Variants in EXOC4 observed in about 807,000 individuals in gnomAD.
The protein encoded by EXOC4 is exocyst complex component 4.
A neutral mutation model predicts 107.2 loss-of-function variants in EXOC4; 71 were observed. The ratio of observed to expected loss-of-function variants is 0.66; its 90% CI spans 0.55 to 0.81. The LOEUF (loss-of-function observed/expected upper bound fraction) is 0.81. EXOC4 is among the 30% of genes least tolerant of loss of function. EXOC4 has a pLI of 0.00. For synonymous variants in EXOC4, 456 were observed against 441.2 expected (o/e 1.03, Z -0.42); for missense variants, 1,108 against 1,189.6 (o/e 0.93, Z 1.01).
At chr7:133,305,299 CT>C (rs1413419996) in intron 3 of EXOC4, among the ~76,000 whole-genome samples, 1 of 152,096 alleles carries the variant, frequency 6.6e-6, no homozygotes, top group Non-Finnish European at 1.5e-5. Flanking sequence ...TTCTATCAAA[CT>C]GAATCAGGAC....
At chr7:133,825,615 C>T (rs573986343) in intron 11 of EXOC4, among the ~76,000 whole-genome samples, 10 of 152,130 alleles carry the variant, frequency 6.6e-5, no homozygotes, top group African/African-American at 1.9e-4. Flanking sequence ...TCTGGTTTCC[C>T]GAGGAAGTGT....
chr7:133,551,382 G>T (rs1419567309), intron 9 of EXOC4, among the ~76,000 whole-genome samples: 1 of 151,568 alleles, frequency 6.6e-6, no homozygotes, highest in East Asian at 1.9e-4. Context: ...TTAATTTCTA[G>T]GTTTTTCTAA....
chr7:133,781,807 C>A (rs538087882), intron 10 of EXOC4, among the ~76,000 whole-genome samples: 2 of 152,328 alleles, frequency 1.3e-5, no homozygotes, highest in East Asian at 1.9e-4. Context: ...TCTGGACTTA[C>A]AACTCTTAAT....
intron 9 of EXOC4, among the ~76,000 whole-genome samples, chr7:133,608,475 G>A (rs953191762): frequency 2.0e-5 from 3 of 149,402 alleles, no homozygotes; most frequent in Non-Finnish European, 4.4e-5. Context: ...GGAGTGCATT[G>A]TACTAAAGAC....
chr7:133,747,573 A>T (rs1481778055), intron 10 of EXOC4, among the ~76,000 whole-genome samples: 5 of 152,184 alleles, frequency 3.3e-5, no homozygotes, highest in South Asian at 2.1e-4. Flanking sequence ...ATAGAAATTG[A>T]TATGCTGTAT....
intron 11 of EXOC4, among the ~76,000 whole-genome samples, chr7:133,820,360 G>T: frequency 6.6e-6 from 1 of 151,782 alleles, no homozygotes; most frequent in Non-Finnish European, 1.5e-5. Context: ...TATAGTGATT[G>T]TAAATTGTTT....
intron 11 of EXOC4, among the ~76,000 whole-genome samples, chr7:133,840,193 C>T (rs77278248): frequency 2.6e-5 from 4 of 152,256 alleles, no homozygotes; most frequent in Non-Finnish European, 4.4e-5. Context: ...TACCTATAAT[C>T]GAATCTGATA....
intron 7 of EXOC4, among the ~76,000 whole-genome samples, chr7:133,438,723 C>T (rs182168136): frequency 6.6e-6 from 1 of 152,338 alleles, no homozygotes; most frequent in East Asian, 1.9e-4. Flanking sequence ...ACGCAGCAGC[C>T]AGATTTTTCA....
At chr7:133,538,519 G>A (rs1800316542) in intron 9 of EXOC4, among the ~76,000 whole-genome samples, 1 of 151,978 alleles carries the variant, frequency 6.6e-6, no homozygotes, top group Admixed American at 6.6e-5. Context: ...ATACATGTAT[G>A]AAAAAGGATT....
At chr7:133,358,150 C>T (rs948731614) in intron 6 of EXOC4, among the ~76,000 whole-genome samples, 4 of 152,170 alleles carry the variant, frequency 2.6e-5, no homozygotes, top group African/African-American at 9.7e-5. Context: ...CACACTACTG[C>T]ACTCCAGCCT....
At chr7:133,730,303 C>T (rs956036516) in intron 10 of EXOC4, among the ~76,000 whole-genome samples, 1 of 151,470 alleles carries the variant, frequency 6.6e-6, no homozygotes, top group African/African-American at 2.4e-5. Context: ...CTTAAAATTA[C>T]ATTCTCTACC....
At chr7:134,021,083 G>A (rs1795019244) in intron 17 of EXOC4, among the ~76,000 whole-genome samples, 2 of 152,194 alleles carry the variant, frequency 1.3e-5, no homozygotes, top group African/African-American at 2.4e-5. Flanking sequence ...GCCAGAGAGC[G>A]GTTTGAGAGA....
At chr7:133,982,421 G>A (rs549290008) in intron 14 of EXOC4, among the ~76,000 whole-genome samples, 37 of 152,206 alleles carry the variant, frequency 2.4e-4, no homozygotes, top group Non-Finnish European at 2.9e-4. Flanking sequence ...GCGTGGTGGC[G>A]GGTGCTTGTA....
At chr7:133,381,470 G>A (rs187051347) in intron 7 of EXOC4, among the ~76,000 whole-genome samples, 1,871 of 152,222 alleles carry the variant, frequency 0.012, 39 homozygotes, top group Non-Finnish European at 0.013. Context: ...ATGGGAAATG[G>A]CACTCCAGGC....
intron 7 of EXOC4, among the ~76,000 whole-genome samples, chr7:133,376,391 T>C (rs148204278): frequency 1.6e-3 from 247 of 152,348 alleles, no homozygotes; most frequent in Middle Eastern, 6.8e-3. Context: ...GTGCCTTTCG[T>C]ATCCATGTTT....
intron 9 of EXOC4, among the ~76,000 whole-genome samples, chr7:133,505,343 C>T (rs1799647730): frequency 6.6e-6 from 1 of 152,062 alleles, no homozygotes; most frequent in South Asian, 2.1e-4. Context: ...ACCTTTGTCT[C>T]TGAGCCCATT....
the EXOC4 span, among the ~76,000 whole-genome samples, chr7:134,082,941 A>G: frequency 2.0e-5 from 3 of 152,198 alleles, no homozygotes; most frequent in East Asian, 5.8e-4. Flanking sequence ...GACATTACAT[A>G]TAAAATCACA....
intron 10 of EXOC4, among the ~76,000 whole-genome samples, chr7:133,735,148 C>G (rs764820894): frequency 1.6e-5 from 2 of 123,260 alleles, no homozygotes; most frequent in African/African-American, 3.1e-5. Context: ...ATTGCTTGAA[C>G]CTTGGAGGTG....
intron 7 of EXOC4, among the ~76,000 whole-genome samples, chr7:133,469,590 C>G (rs1171955176): frequency 7.2e-5 from 11 of 152,064 alleles, no homozygotes; most frequent in Admixed American, 7.2e-4. Context: ...ATATACTCAT[C>G]AATCCATAGG....
Sources: gnomAD v4.1 joint callset for allele counts (sites outside exome capture counted in the v4.1 genomes callset) on GRCh38, gnomAD v4.1.1 for gene constraint, MANE v1.5 for transcripts, NCBI Gene and HGNC (gene_info 2026-07-23, HGNC 2026-07-21) for gene names.